Variants in CCDC71L observed in about 807,000 individuals in gnomAD.
The protein encoded by CCDC71L is coiled-coil domain containing 71 like, also known as coiled-coil domain-containing protein 71L.
CCDC71L carries 6 observed loss-of-function variants against 10.2 expected under a neutral mutation model. The ratio of observed to expected loss-of-function variants is 0.59; its 90% CI spans 0.32 to 1.16. The LOEUF (loss-of-function observed/expected upper bound fraction) is 1.16, where lower values mean the gene tolerates loss of function less well. CCDC71L is among the 50% of genes most tolerant of loss of function. The pLI is 0.05. For synonymous variants in CCDC71L, 204 were observed against 175.5 expected (o/e 1.16, Z -1.28); for missense variants, 366 against 383.4 (o/e 0.95, Z 0.38).
rs1299515325 is a variant in CCDC71L at position 106,655,674 on chromosome 7, T to C, written c.*4515A>G. Reference sequence around the variant, plus strand: ...ATAGTTTAAAACACATAACAGTACATTCAAATGTCTTATAGAGATATAACA... The same window carrying C: ...ATAGTTTAAAACACATAACAGTACACTCAAATGTCTTATAGAGATATAACA... On this transcript the variant is annotated 3_prime_UTR_variant, in exon 1 of 1. Transcript: ENST00000523505. Among the ~76,000 whole-genome samples the C allele has an allele frequency of 1.3e-5, 2 of 152,178 alleles. No individual in the cohort carries two copies. Among genetic ancestry groups the C allele is most frequent in the Non-Finnish European group, 2.9e-5 (2 of 68,018 alleles).
Position 106,657,974 on chromosome 7 carries a change from A to G in CCDC71L, c.*2215T>C, listed in dbSNP as rs958637543. ...TCCTCCCAGTTAAGCCAAATTTCAA[A>G]ATCCTCTGGAAAACTATCTAGATAA... is the stretch of plus-strand genomic sequence containing the variant. On this transcript the variant is annotated 3_prime_UTR_variant, in exon 1 of 1. Coordinates refer to ENST00000523505, the MANE Select transcript of CCDC71L (RefSeq NM_175884.6). The G allele has an allele frequency of 6.6e-6, 1 of 152,196 alleles. No homozygotes were observed. The highest frequency in any genetic ancestry group is 2.4e-5 in the African/African-American group (1 of 41,452). The allele number at this position is 152,196 out of a possible 1,614,324, so 9.4% of individuals were successfully genotyped here.
Position 106,654,629 on chromosome 7 carries a change from A to G in CCDC71L, c.*5560T>C, listed in dbSNP as rs750339114. ...AGCAAAAAATATGCTGTAAGAAATC[A>G]AAATAATGGTTATCTTGGGCAAGAA... On this transcript the variant is annotated 3_prime_UTR_variant, in exon 1 of 1. Coordinates refer to ENST00000523505, the MANE Select transcript of CCDC71L (RefSeq NM_175884.6). Among the ~76,000 whole-genome samples the G allele has an allele frequency of 1.1e-3, 168 of 152,288 alleles. No individual in the cohort carries two copies. The highest frequency in any genetic ancestry group is 3.7e-3 in the African/African-American group (153 of 41,572).
rs1792465302 is a variant in CCDC71L at position 106,654,855 on chromosome 7, C to T, written c.*5334G>A. ...CTGTAAGATTTAGAACCCTAAGCCA[C>T]ACTCTTTTTTTTTCTGTACTCTTTA... On this transcript the variant is annotated 3_prime_UTR_variant, in exon 1 of 1. Coordinates refer to ENST00000523505, the MANE Select transcript of CCDC71L (RefSeq NM_175884.6). Among the ~76,000 whole-genome samples, 1 of 151,884 alleles carries T rather than the reference C, an allele frequency of 6.6e-6. No individual in the cohort carries two copies. Among genetic ancestry groups the T allele is most frequent in the Non-Finnish European group, 1.5e-5 (1 of 67,936 alleles).
chr7:106,657,122 T>A lies in CCDC71L; in HGVS notation c.*3067A>T, dbSNP rs1340403132. The A allele has an allele frequency of 1.3e-5, 2 of 152,210 alleles. No homozygotes were observed. The highest frequency in any genetic ancestry group is 4.8e-5 in the African/African-American group (2 of 41,452). 9.4% of individuals were successfully genotyped at this position (152,210 alleles called of 1,614,324 possible). A position where few individuals can be genotyped will look rare whatever the true frequency, so the allele number is the denominator to read the frequency against. On this transcript the variant is annotated 3_prime_UTR_variant, in exon 1 of 1. Transcript: ENST00000523505. ...CTATCATTTGCACACAGCAGATCAATAGGTGTCAGTCACCAGCTTAAGTTA... is the reference window on the plus strand; with the variant it reads ...CTATCATTTGCACACAGCAGATCAAAAGGTGTCAGTCACCAGCTTAAGTTA...
rs1454183642 is a variant in CCDC71L, at chr7:106,659,704, G to C, written c.*485C>G. ...CAAACTAGTGCAACACCACATGTTC[G>C]AACTTCTGTCCACAAAGAGGGGTGA... On this transcript the variant is annotated 3_prime_UTR_variant, in exon 1 of 1. Transcript: ENST00000523505. The C allele has an allele frequency of 1.3e-5, 2 of 152,966 alleles. No homozygotes were observed. The highest frequency in any genetic ancestry group is 1.5e-5 in the Non-Finnish European group (1 of 68,286). The allele number at this position is 152,966 out of a possible 1,614,324, so 9.5% of individuals were successfully genotyped here. A position where few individuals can be genotyped will look rare whatever the true frequency, so the allele number is the denominator to read the frequency against.
In CCDC71L at chr7:106,660,956, G is replaced by A; in HGVS notation, c.-60C>T. The A allele has an allele frequency of 7.7e-7, 1 of 1,304,442 alleles. No individual in the cohort carries two copies. The highest frequency in any genetic ancestry group is 2.3e-5 in the South Asian group (1 of 42,954). 80.8% of individuals were successfully genotyped at this position (1,304,442 alleles called of 1,614,324 possible). ...TCCCACTACTGCCGCCGCCGTCCCAGTCCGCGTTGGCTCCGCGGCGGCGGC... is the reference window on the plus strand; with the variant it reads ...TCCCACTACTGCCGCCGCCGTCCCAATCCGCGTTGGCTCCGCGGCGGCGGC... On this transcript the variant is annotated 5_prime_UTR_variant, in exon 1 of 1. Coordinates refer to ENST00000523505, the MANE Select transcript of CCDC71L (RefSeq NM_175884.6). The surrounding 1 kb of genome is among the most constrained non-coding windows in gnomAD (Gnocchi z 7.5).
In CCDC71L at chr7:106,660,192, T is replaced by C; in HGVS notation, c.705A>G (p.Ala235=). ...VRLRRFPVPR[A] Reference sequence around the variant, plus strand: ...GAGGCGCCCTGGAGGCCGCACCTCATGCCCGGGGCACCGGGAAGCGGCGGA... The same window carrying C: ...GAGGCGCCCTGGAGGCCGCACCTCACGCCCGGGGCACCGGGAAGCGGCGGA... The change falls in exon 1 of 1, where the codon GCA becomes GCG. Residue 235 remains alanine, a synonymous_variant. Transcript: ENST00000523505. This position sits in a 1 kb window ranked among gnomAD's most constrained non-coding sequence, Gnocchi z 7.5. 1.9e-6 allele frequency: 3 copies of C among 1,557,020 alleles called. No individual in the cohort carries two copies. Among genetic ancestry groups the C allele is most frequent in the Middle Eastern group, 2.3e-4 (1 of 4,348 alleles).
Position 106,655,384 on chromosome 7 carries a change from A to C in CCDC71L, c.*4805T>G, listed in dbSNP as rs951279059. On this transcript the variant is annotated 3_prime_UTR_variant, in exon 1 of 1. Transcript: ENST00000523505. ...GCTTTATATCTGACATCCAAAAATG[A>C]GTGTGTCAATGCTTCAAATACAAGA... 6.6e-6 allele frequency among the ~76,000 whole-genome samples: 1 copy of C among 152,186 alleles called. No homozygotes were observed. The highest frequency in any genetic ancestry group is 1.5e-5 in the Non-Finnish European group (1 of 68,012).
At position 106,660,934 on chromosome 7, in the gene CCDC71L, C is replaced by CACT. The variant is rs925489203; in HGVS notation, c.-41_-39dup. 1.5e-6 allele frequency: 2 copies of CACT among 1,320,302 alleles called. No individual in the cohort carries two copies. Among genetic ancestry groups the CACT allele is most frequent in the Non-Finnish European group, 1.9e-6 (2 of 1,037,048 alleles). The allele number at this position is 1,320,302 out of a possible 1,614,324, so 81.8% of individuals were successfully genotyped here. On this transcript the variant is annotated 5_prime_UTR_variant, in exon 1 of 1. Coordinates refer to ENST00000523505, the MANE Select transcript of CCDC71L (RefSeq NM_175884.6). This position sits in a 1 kb window ranked among gnomAD's most constrained non-coding sequence, Gnocchi z 7.5. Reference sequence around the variant, plus strand: ...CGGGCCACTCACGCTCGCCGGGTCCCACTACTGCCGCCGCCGTCCCAGTCC... The same window carrying CACT: ...CGGGCCACTCACGCTCGCCGGGTCCCACTACTACTGCCGCCGCCGTCCCAGTCC...
rs1040448282 is a variant in CCDC71L, at chr7:106,658,107, G to C, written c.*2082C>G. On this transcript the variant is annotated 3_prime_UTR_variant, in exon 1 of 1. Transcript: ENST00000523505. ...ACAAATACATTTTTTCCAGGTGCTA[G>C]TTAGCTATAAAAGTTAACAATATAT... 7 of 152,104 alleles carry C rather than the reference G, an allele frequency of 4.6e-5. No homozygotes were observed. Among genetic ancestry groups the C allele is most frequent in the African/African-American group, 1.7e-4 (7 of 41,408 alleles). 9.4% of individuals were successfully genotyped at this position (152,104 alleles called of 1,614,324 possible).
In CCDC71L at chr7:106,656,672, T is replaced by C. The variant is rs1792496610; in HGVS notation, c.*3517A>G. On this transcript the variant is annotated 3_prime_UTR_variant, in exon 1 of 1. Coordinates refer to ENST00000523505, the MANE Select transcript of CCDC71L (RefSeq NM_175884.6). Reference sequence around the variant, plus strand: ...TTTGAAGTTCACAAAAAAGTCAAAATTTATCAAATTGTAAATTAAGATGTT... The same window carrying C: ...TTTGAAGTTCACAAAAAAGTCAAAACTTATCAAATTGTAAATTAAGATGTT... 2 of 151,940 alleles carry C rather than the reference T, an allele frequency of 1.3e-5. No individual in the cohort carries two copies. The highest frequency in any genetic ancestry group is 4.2e-4 in the South Asian group (2 of 4,808). 9.4% of individuals were successfully genotyped at this position (151,940 alleles called of 1,614,324 possible).
At position 106,660,163 on chromosome 7, in the gene CCDC71L, G is replaced by A; in HGVS notation, c.*26C>T. The A allele has an allele frequency of 6.6e-7, 1 of 1,504,940 alleles. No individual in the cohort carries two copies. Among genetic ancestry groups the A allele is most frequent in the Non-Finnish European group, 8.8e-7 (1 of 1,137,706 alleles). The allele number at this position is 1,504,940 out of a possible 1,614,324, so 93.2% of individuals were successfully genotyped here. A position where few individuals can be genotyped will look rare whatever the true frequency, so the allele number is the denominator to read the frequency against. On this transcript the variant is annotated 3_prime_UTR_variant, in exon 1 of 1. Transcript: ENST00000523505. This position sits in a 1 kb window ranked among gnomAD's most constrained non-coding sequence, Gnocchi z 7.5. ...AAGGCCTGTCCCAAGGTCGGGGCCG[G>A]CAGGAGGCGCCCTGGAGGCCGCACC...
In CCDC71L at chr7:106,659,914, G is replaced by A; in HGVS notation, c.*275C>T. The A allele has an allele frequency of 2.3e-6, 1 of 437,464 alleles. No homozygotes were observed. Among genetic ancestry groups the A allele is most frequent in the South Asian group, 3.8e-5 (1 of 26,234 alleles). The allele number at this position is 437,464 out of a possible 1,614,324, so 27.1% of individuals were successfully genotyped here. On this transcript the variant is annotated 3_prime_UTR_variant, in exon 1 of 1. Coordinates refer to ENST00000523505, the MANE Select transcript of CCDC71L (RefSeq NM_175884.6). The stretch of plus-strand genomic sequence containing the variant: ...TGGAGACGTCTCAATCGGTGGTCAG[G>A]AAGAAAGGGACCTCCCCTGCGGGTC...
In CCDC71L at chr7:106,656,299, A is replaced by G. The variant is rs913719788; in HGVS notation, c.*3890T>C. Among the ~76,000 whole-genome samples, 13 of 152,262 alleles carry G rather than the reference A, an allele frequency of 8.5e-5. No individual in the cohort carries two copies. Among genetic ancestry groups the G allele is most frequent in the African/African-American group, 3.1e-4 (13 of 41,552 alleles). On this transcript the variant is annotated 3_prime_UTR_variant, in exon 1 of 1. Transcript: ENST00000523505. ...CCGGCTCTTGCTGTGCTGTTCACTAATACTCCACTTCTGCCTTCTAGACTC... is the reference window on the plus strand; with the variant it reads ...CCGGCTCTTGCTGTGCTGTTCACTAGTACTCCACTTCTGCCTTCTAGACTC...
In CCDC71L at chr7:106,660,129, T is replaced by C; in HGVS notation, c.*60A>G. 1 of 1,442,576 alleles carries C rather than the reference T, an allele frequency of 6.9e-7. No homozygotes were observed. Among genetic ancestry groups the C allele is most frequent in the Non-Finnish European group, 9.0e-7 (1 of 1,106,946 alleles). The allele number at this position is 1,442,576 out of a possible 1,614,324, so 89.4% of individuals were successfully genotyped here. On this transcript the variant is annotated 3_prime_UTR_variant, in exon 1 of 1. Transcript: ENST00000523505. This position sits in a 1 kb window ranked among gnomAD's most constrained non-coding sequence, Gnocchi z 7.5. ...CACTCGACTGACACTTGTTCATTCC[T>C]CCGGGCGGAAGGCCTGTCCCAAGGT...
rs987106772 is a variant in CCDC71L, at chr7:106,656,278, C to T, written c.*3911G>A. Among the ~76,000 whole-genome samples, 20 of 152,146 alleles carry T rather than the reference C, an allele frequency of 1.3e-4. No homozygotes were observed. The highest frequency in any genetic ancestry group is 4.6e-4 in the African/African-American group (19 of 41,430). Reference sequence around the variant, plus strand: ...CACACAGTACTATCTATGAATCCGGCTCTTGCTGTGCTGTTCACTAATACT... The same window carrying T: ...CACACAGTACTATCTATGAATCCGGTTCTTGCTGTGCTGTTCACTAATACT... On this transcript the variant is annotated 3_prime_UTR_variant, in exon 1 of 1. Coordinates refer to ENST00000523505, the MANE Select transcript of CCDC71L (RefSeq NM_175884.6).
In CCDC71L at chr7:106,659,904, C is replaced by A. The variant is rs776808240; in HGVS notation, c.*285G>T. Reference sequence around the variant, plus strand: ...CCTAAGGTCCTGGAGACGTCTCAATCGGTGGTCAGGAAGAAAGGGACCTCC... The same window carrying A: ...CCTAAGGTCCTGGAGACGTCTCAATAGGTGGTCAGGAAGAAAGGGACCTCC... On this transcript the variant is annotated 3_prime_UTR_variant, in exon 1 of 1. Transcript: ENST00000523505. 4 of 413,982 alleles carry A rather than the reference C, an allele frequency of 9.7e-6. No homozygotes were observed. In the South Asian group the frequency reaches 1.3e-4, roughly 13 times the overall value. The allele number at this position is 413,982 out of a possible 1,614,324, so 25.6% of individuals were successfully genotyped here. A position where few individuals can be genotyped will look rare whatever the true frequency, so the allele number is the denominator to read the frequency against.
rs1403919742 is a variant in CCDC71L, at chr7:106,660,345, G to A, written c.552C>T (p.Ala184=). 4.1e-6 allele frequency: 6 copies of A among 1,472,910 alleles called. No homozygotes were observed. Among genetic ancestry groups the A allele is most frequent in the East Asian group, 2.8e-5 (1 of 35,292 alleles). 91.2% of individuals were successfully genotyped at this position (1,472,910 alleles called of 1,614,324 possible). The change falls in exon 1 of 1, where the codon GCC becomes GCT. Residue 184 remains alanine, a synonymous_variant. Coordinates refer to ENST00000523505, the MANE Select transcript of CCDC71L (RefSeq NM_175884.6). The surrounding 1 kb of genome is among the most constrained non-coding windows in gnomAD (Gnocchi z 7.5). ...TGGGGAAGGTGGTCAGCGTCGGGGT[G>A]GCCGCCCTCCAGATCTCCTCCAAGG... ...GRTLEEIWRA[A]TPTLTTFPTI...
At position 106,654,530 on chromosome 7, in the gene CCDC71L, C is replaced by T. The variant is rs1287202256; in HGVS notation, c.*5659G>A. On this transcript the variant is annotated 3_prime_UTR_variant, in exon 1 of 1. Coordinates refer to ENST00000523505, the MANE Select transcript of CCDC71L (RefSeq NM_175884.6). ...AGTACACACAACAATATAAATGAAT[C>T]TCACAAACATAATTTCAAGTGAAAG... Among the ~76,000 whole-genome samples, 1 of 151,896 alleles carries T rather than the reference C, an allele frequency of 6.6e-6. No individual in the cohort carries two copies. Among genetic ancestry groups the T allele is most frequent in the Non-Finnish European group, 1.5e-5 (1 of 67,962 alleles).
Sources: allele counts gnomAD v4.1 joint callset (sites outside exome capture counted in the v4.1 genomes callset), GRCh38; gene constraint gnomAD v4.1.1; non-coding constraint Gnocchi (gnomAD v3.1); transcripts MANE v1.5; gene names NCBI Gene and HGNC (gene_info 2026-07-23, HGNC 2026-07-21).